SORCS3: variants seen among roughly 807,000 people sequenced by gnomAD.
SORCS3 encodes sortilin related VPS10 domain containing receptor 3, also known as VPS10 domain-containing receptor SorCS3.
Under a neutral mutation model 146.3 loss-of-function variants are expected in SORCS3, and 57 were observed. That is an observed-to-expected ratio of 0.39 (90% CI 0.31 to 0.49). SORCS3 has a LOEUF of 0.49. Among genes scored for constraint, SORCS3 ranks in the 20% least tolerant of loss-of-function variants. SORCS3 has a pLI of 0.92. For synonymous variants in SORCS3, 653 were observed against 618.5 expected, an observed-to-expected ratio of 1.06 and a Z score of -0.83; for missense variants, 1,341 against 1,575.5, an observed-to-expected ratio of 0.85 and a Z score of 2.52.
chr10:105,034,551 G>T (rs1233923219), intron 4 of SORCS3, among the ~76,000 whole-genome samples: 1 of 152,000 alleles, frequency 6.6e-6, no homozygotes, highest in Non-Finnish European at 1.5e-5. Context: ...TATTTCATAG[G>T]GTAGGCACTG....
At chr10:105,035,963 A>G (rs892132994) in intron 4 of SORCS3, among the ~76,000 whole-genome samples, 11 of 152,178 alleles carry the variant, frequency 7.2e-5, no homozygotes, top group African/African-American at 2.4e-4. Context: ...TGTCCTTAAC[A>G]TATACATTCT....
At chr10:105,028,690 C>T (rs975024155) in intron 4 of SORCS3, among the ~76,000 whole-genome samples, 10 of 152,222 alleles carry the variant, frequency 6.6e-5, no homozygotes, top group Admixed American at 6.5e-4. Context: ...ACGTCCTCCA[C>T]AGGGTGGTCG....
At chr10:104,942,918 T>G (rs1440011853) in intron 3 of SORCS3, among the ~76,000 whole-genome samples, 1 of 152,168 alleles carries the variant, frequency 6.6e-6, no homozygotes, top group African/African-American at 2.4e-5. Context: ...ACCTCTTTTA[T>G]TCAGCATTAT....
At chr10:104,728,075 T>C (rs2016663400) in intron 1 of SORCS3, among the ~76,000 whole-genome samples, 2 of 149,362 alleles carry the variant, frequency 1.3e-5, no homozygotes, top group Admixed American at 6.7e-5. Context: ...ATCTATCTAA[T>C]CTATCTGTCA....
At chr10:104,888,735 G>T (rs2018718677) in intron 2 of SORCS3, among the ~76,000 whole-genome samples, 1 of 152,172 alleles carries the variant, frequency 6.6e-6, no homozygotes, top group Non-Finnish European at 1.5e-5. Flanking sequence ...AAGACAAATA[G>T]GGTCAGGAGG....
intron 2 of SORCS3, among the ~76,000 whole-genome samples, chr10:104,896,176 A>G: frequency 6.6e-6 from 1 of 152,164 alleles, no homozygotes; most frequent in East Asian, 1.9e-4. Flanking sequence ...GGGCCTGGCC[A>G]GATTGCACTG....
chr10:104,645,900 T>C (rs1425580338), intron 1 of SORCS3, among the ~76,000 whole-genome samples: 1 of 152,204 alleles, frequency 6.6e-6, no homozygotes, highest in African/African-American at 2.4e-5. Context: ...TTGGCTGGAT[T>C]GCTTGTCTTC....
At chr10:104,704,196 C>T (rs898288131) in intron 1 of SORCS3, among the ~76,000 whole-genome samples, 1 of 139,300 alleles carries the variant, frequency 7.2e-6, no homozygotes, top group Admixed American at 7.5e-5. Context: ...TAGACAGGGT[C>T]TCTCACTGTC....
chr10:105,055,767 C>T (rs1459863929), intron 5 of SORCS3, among the ~76,000 whole-genome samples: 2 of 152,016 alleles, frequency 1.3e-5, no homozygotes, highest in Non-Finnish European at 2.9e-5. Flanking sequence ...TATTTCTGAC[C>T]TGTTTTTCCA....
chr10:104,763,686 T>G (rs2017146770), intron 1 of SORCS3, among the ~76,000 whole-genome samples: 1 of 152,178 alleles, frequency 6.6e-6, no homozygotes, highest in African/African-American at 2.4e-5. Flanking sequence ...TAGACCATAT[T>G]TTTTCAAAGT....
At chr10:104,892,123 A>C (rs2018755113) in intron 2 of SORCS3, among the ~76,000 whole-genome samples, 1 of 152,208 alleles carries the variant, frequency 6.6e-6, no homozygotes, top group South Asian at 2.1e-4. Context: ...TGGCCCTTAA[A>C]AATTCCAGCT....
chr10:104,671,925 A>G (rs892458242), intron 1 of SORCS3, among the ~76,000 whole-genome samples: 4 of 152,138 alleles, frequency 2.6e-5, no homozygotes, highest in Admixed American at 1.3e-4. Flanking sequence ...ATACTGGTCT[A>G]TACTTTTCTT....
rs115487577 is a variant in SORCS3, at chr10:104,760,702, G to A, written c.628-82090G>A. Among the ~76,000 whole-genome samples the A allele has an allele frequency of 4.3e-3, 650 of 152,312 alleles. 4 individuals carry two copies. The highest frequency in any genetic ancestry group is 0.015 in the African/African-American group (634 of 41,572). On this transcript the variant is annotated intron_variant, in intron 1 of 26. Transcript: ENST00000369701. ...AAAATTGACATGAGAGGCAGACACTGTGATGGCAATATGACGTGACGACAG... is the reference window on the plus strand; with the variant it reads ...AAAATTGACATGAGAGGCAGACACTATGATGGCAATATGACGTGACGACAG...
intron 5 of SORCS3, among the ~76,000 whole-genome samples, chr10:105,084,489 T>A (rs1053458237): frequency 9.2e-5 from 14 of 152,174 alleles, no homozygotes; most frequent in African/African-American, 3.4e-4. Context: ...GCACTGAGTT[T>A]CTACAAGTGG....
intron 4 of SORCS3, among the ~76,000 whole-genome samples, chr10:105,040,479 A>G (rs576055980): frequency 1.8e-4 from 27 of 152,288 alleles, no homozygotes; most frequent in African/African-American, 6.5e-4. Context: ...CTGGCTCAAA[A>G]CATATTTTTC....
chr10:105,120,784 G>T (rs144940651), intron 7 of SORCS3, among the ~76,000 whole-genome samples: 11 of 152,280 alleles, frequency 7.2e-5, no homozygotes, highest in Non-Finnish European at 1.2e-4. Context: ...GTCATGTCTA[G>T]CACAGGAGTA....
chr10:104,781,292 C>T (rs1453988568), intron 1 of SORCS3, among the ~76,000 whole-genome samples: 2 of 152,186 alleles, frequency 1.3e-5, no homozygotes, highest in Non-Finnish European at 1.5e-5. Flanking sequence ...GGATTGGAGC[C>T]CCTTGTGATG....
chr10:105,256,570 A>C (rs902849098), intron 24 of SORCS3, among the ~76,000 whole-genome samples: 8 of 152,168 alleles, frequency 5.3e-5, no homozygotes, highest in Admixed American at 3.9e-4. Context: ...ACGTTGTTCA[A>C]TTTATACCAA....
intron 1 of SORCS3, among the ~76,000 whole-genome samples, chr10:104,711,570 C>G (rs1390895546): frequency 1.3e-5 from 2 of 152,224 alleles, no homozygotes; most frequent in Non-Finnish European, 2.9e-5. Context: ...CCTAGCAATC[C>G]AGCTCAGGCC....
Sources: gnomAD v4.1 joint callset for allele counts (sites outside exome capture counted in the v4.1 genomes callset) on GRCh38, gnomAD v4.1.1 for gene constraint, MANE v1.5 for transcripts, NCBI Gene and HGNC (gene_info 2026-07-23, HGNC 2026-07-21) for gene names.